PLA2G5: variants seen among roughly 807,000 people sequenced by gnomAD.
PLA2G5 encodes Ca2+-dependent phospholipase A2.
PLA2G5 carries 12 observed loss-of-function variants against 15.9 expected under a neutral mutation model. That is an observed-to-expected ratio of 0.76 (90% confidence interval 0.48 to 1.23). The LOEUF (loss-of-function observed/expected upper bound fraction) is 1.23, where lower values mean the gene tolerates loss of function less well. Among genes scored for constraint, PLA2G5 ranks in the 50% most tolerant of loss-of-function variants. PLA2G5 has a pLI of 0.00. For missense variants in PLA2G5, 169 were observed against 177.1 expected, an observed-to-expected ratio of 0.95 and a Z score of 0.26; for synonymous variants, 71 against 71.4, an observed-to-expected ratio of 0.99 and a Z score of 0.03.
At chr1:20,054,837 A>C (rs1042479927) in intron 1 of PLA2G5, 3 of 152,204 alleles carry the variant, frequency 2.0e-5, no homozygotes, top group Non-Finnish European at 4.4e-5. Context: ...ACTGGCTCAA[A>C]AGGTAAGTGC....
intron 1 of PLA2G5, among the ~76,000 whole-genome samples, chr1:20,058,682 C>T (rs2014556449): frequency 6.6e-6 from 1 of 152,002 alleles, no homozygotes; most frequent in Non-Finnish European, 1.5e-5. Flanking sequence ...TTTGCCAGTA[C>T]AGTGTGTAGG....
chr1:20,050,739 A>C (rs895803479), intron 1 of PLA2G5, among the ~76,000 whole-genome samples: 1 of 152,186 alleles, frequency 6.6e-6, no homozygotes, highest in Admixed American at 6.5e-5. Flanking sequence ...TTGAGTTATC[A>C]CTTTGGTTAA....
chr1:20,087,696 A>G (rs572789043), intron 3 of PLA2G5, among the ~76,000 whole-genome samples: 1 of 152,280 alleles, frequency 6.6e-6, no homozygotes, highest in African/African-American at 2.4e-5. Context: ...ATATATATAT[A>G]CAGGGTTCCT....
At chr1:20,090,521 G>A (rs766465779) in intron 4 of PLA2G5, 47 bp from the exon 5 acceptor site, 1 of 1,610,748 alleles carries the variant, frequency 6.2e-7, no homozygotes, top group Admixed American at 1.7e-5. Context: ...GCTGAGACTG[G>A]AGCATGCTCT....
chr1:20,049,961 G>C (rs1166647484), intron 1 of PLA2G5, among the ~76,000 whole-genome samples: 1 of 152,062 alleles, frequency 6.6e-6, no homozygotes, highest in African/African-American at 2.4e-5. Context: ...TGCTAACAAT[G>C]TTTTCTTAAA....
At chr1:20,038,341 G>T (rs1007173965) in intron 1 of PLA2G5, among the ~76,000 whole-genome samples, 1 of 152,148 alleles carries the variant, frequency 6.6e-6, no homozygotes, top group Non-Finnish European at 1.5e-5. Context: ...TTAACTGGAA[G>T]TTTCCTTCTC....
chr1:20,088,014 A>G (rs1449025680), intron 3 of PLA2G5, among the ~76,000 whole-genome samples: 1 of 152,214 alleles, frequency 6.6e-6, no homozygotes, highest in Non-Finnish European at 1.5e-5. Flanking sequence ...CAAAACAGTC[A>G]AGAACAAGGA....
chr1:20,090,816 T>C lies in PLA2G5; in HGVS notation c.*124T>C. 1 of 1,025,860 alleles carries C rather than the reference T, an allele frequency of 9.7e-7. No homozygotes were observed. Among genetic ancestry groups the C allele is most frequent in the Non-Finnish European group, 1.5e-6 (1 of 675,204 alleles). The allele number at this position is 1,025,860 out of a possible 1,614,324, so 63.5% of individuals were successfully genotyped here. ...CACAGACCTCAGTCTTTCTCGAAGC[T>C]TGGCGGACCCCCAGGGCCACACTGT... On this transcript the variant is annotated 3_prime_UTR_variant, in exon 5 of 5. Coordinates refer to ENST00000375108, the MANE Select transcript of PLA2G5 (RefSeq NM_000929.3).
At chr1:20,064,678 G>A (rs2014927658) in intron 2 of PLA2G5, among the ~76,000 whole-genome samples, 1 of 152,072 alleles carries the variant, frequency 6.6e-6, no homozygotes. Context: ...AGGATTGTTT[G>A]AGGCCAGGAG....
chr1:20,089,577 C>G (rs537727412), intron 3 of PLA2G5, among the ~76,000 whole-genome samples: 22 of 152,224 alleles, frequency 1.4e-4, no homozygotes, highest in African/African-American at 5.3e-4. Flanking sequence ...GTAGTCTAGT[C>G]GTGAGACCAG....
intron 1 of PLA2G5, among the ~76,000 whole-genome samples, chr1:20,055,015 T>G (rs1237619921): frequency 6.6e-6 from 1 of 152,176 alleles, no homozygotes; most frequent in African/African-American, 2.4e-5. Flanking sequence ...AAAAAATAAT[T>G]TTTCCAAGTC....
intron 1 of PLA2G5, among the ~76,000 whole-genome samples, chr1:20,036,776 C>T (rs1231268175): frequency 6.6e-6 from 1 of 152,158 alleles, no homozygotes; most frequent in Non-Finnish European, 1.5e-5. Context: ...AGTGATTTTC[C>T]TGCCTCAGCC....
chr1:20,083,521 A>G (rs1490642648), intron 1 of PLA2G5, among the ~76,000 whole-genome samples: 1 of 151,852 alleles, frequency 6.6e-6, no homozygotes, highest in Non-Finnish European at 1.5e-5. Context: ...GAGGAAGGCA[A>G]TCAGGCAGCT....
chr1:20,071,825 C>T (rs907220407), intron 1 of PLA2G5, among the ~76,000 whole-genome samples: 4 of 152,176 alleles, frequency 2.6e-5, no homozygotes, highest in African/African-American at 9.7e-5. Flanking sequence ...GTGGCCACTC[C>T]AGCCCAGTGT....
intron 2 of PLA2G5, chr1:20,063,729 A>G (rs1431398842): frequency 6.6e-6 from 1 of 152,242 alleles, no homozygotes; most frequent in Non-Finnish European, 1.5e-5. Context: ...CTCTTAACAC[A>G]GATGGAGCTC....
intron 1 of PLA2G5, among the ~76,000 whole-genome samples, chr1:20,054,098 A>G (rs190867862): frequency 1.0e-4 from 15 of 150,556 alleles, no homozygotes; most frequent in Admixed American, 4.7e-4. Flanking sequence ...ATGCTCCTCC[A>G]TGGCCTCAAC....
At chr1:20,078,020 C>T (rs1250491886) in intron 1 of PLA2G5, among the ~76,000 whole-genome samples, 1 of 152,126 alleles carries the variant, frequency 6.6e-6, no homozygotes, top group South Asian at 2.1e-4. Context: ...GAGGGCAGGT[C>T]CCACAAACAC....
intron 1 of PLA2G5, among the ~76,000 whole-genome samples, chr1:20,053,578 G>GC (rs1491554201): frequency 7.0e-6 from 1 of 141,936 alleles, no homozygotes; most frequent in Non-Finnish European, 1.5e-5. Flanking sequence ...TGCGGGGGGG[G>GC]GGGTGATATG....
At chr1:20,054,974 T>C (rs768106633) in intron 1 of PLA2G5, 5 of 152,186 alleles carry the variant, frequency 3.3e-5, no homozygotes, top group Non-Finnish European at 2.9e-5. Context: ...TTTATTAGAC[T>C]TTCCATTTTG....
Sources: gnomAD v4.1 joint callset for allele counts (sites outside exome capture counted in the v4.1 genomes callset) on GRCh38, gnomAD v4.1.1 for gene constraint, MANE v1.5 for transcripts, NCBI Gene and HGNC (gene_info 2026-07-23, HGNC 2026-07-21) for gene names.